ZP3: variants seen among roughly 807,000 people sequenced by gnomAD.
ZP3 encodes the protein zona pellucida sperm-binding protein 3.
In ZP3, 21 loss-of-function variants were observed where a neutral mutation model predicts 35.6. The observed-to-expected ratio is 0.59, with a 90% CI of 0.42 to 0.85. ZP3 has a LOEUF of 0.85. ZP3 is among the 40% of genes least tolerant of loss of function. ZP3 has a pLI of 0.00. For synonymous variants in ZP3, 207 were observed against 214.5 expected (o/e 0.96, Z 0.31); for missense variants, 437 against 536.5 (o/e 0.81, Z 1.83).
chr7:76,426,596 T>C (rs1805659230), intron 1 of ZP3, among the ~76,000 whole-genome samples: 2 of 152,076 alleles, frequency 1.3e-5, no homozygotes, highest in Admixed American at 6.6e-5. Context: ...TATTCCAGTT[T>C]AGAGGCTCAC....
intron 5 of ZP3, among the ~76,000 whole-genome samples, chr7:76,435,465 T>G (rs1584069516): frequency 6.6e-6 from 1 of 152,242 alleles, no homozygotes; most frequent in East Asian, 1.9e-4. Flanking sequence ...TCAAGTAGCT[T>G]TTAAACAAGC....
rs141447256 is a variant in ZP3, at chr7:76,433,239, C to T, written c.535+209C>T. 3.9e-3 allele frequency among the ~76,000 whole-genome samples: 569 copies of T among 145,194 alleles called. 4 individuals carry two copies. The highest frequency in any genetic ancestry group is 0.013 in the African/African-American group (533 of 40,284). On this transcript the variant is annotated intron_variant, in intron 3 of 7. Transcript: ENST00000394857. The stretch of plus-strand genomic sequence containing the variant: ...CACGATCTCAGCTCACTGCAGTCTC[C>T]ACCTCCTGGGGTTCAAACGATTCTC...
At chr7:76,437,724 CCT>C (rs1563704465) in intron 5 of ZP3, among the ~76,000 whole-genome samples, 4 of 149,862 alleles carry the variant, frequency 2.7e-5, no homozygotes, top group Non-Finnish European at 5.9e-5. Context: ...GTCTCAAACT[CCT>C]GACCTCAGGT....
chr7:76,418,273 T>A (rs1805421299), intron 1 of ZP3, among the ~76,000 whole-genome samples: 2 of 151,680 alleles, frequency 1.3e-5, no homozygotes, highest in South Asian at 4.2e-4. Context: ...TCTGAGTGAG[T>A]CCATAAAGTC....
At chr7:76,428,588 T>G (rs1805739453) in intron 1 of ZP3, 1 of 152,342 alleles carries the variant, frequency 6.6e-6, no homozygotes, top group Non-Finnish European at 1.5e-5. Flanking sequence ...TACTCACCTG[T>G]GCTCTTCCTG....
intron 1 of ZP3, chr7:76,397,801 C>T (rs1804690128): frequency 1.3e-6 from 2 of 1,599,938 alleles, no homozygotes. Flanking sequence ...GACACAGGTT[C>T]GCGCCCCCTA....
At chr7:76,438,081 CT>C (rs1806078715) in intron 5 of ZP3, among the ~76,000 whole-genome samples, 1 of 152,252 alleles carries the variant, frequency 6.6e-6, no homozygotes, top group Admixed American at 6.5e-5. Flanking sequence ...GCTTGTGGCT[CT>C]GAGGCTTCTG....
chr7:76,421,606 A>AT (rs200023159), upstream of ZP3, among the ~76,000 whole-genome samples: 2,967 of 143,092 alleles, frequency 0.021, 52 homozygotes, highest in African/African-American at 0.034. Context: ...TATATGTATA[A>AT]TTTTTTTTTT....
chr7:76,441,700 T>G (rs1387183896), intron 7 of ZP3, 142 bp from the exon 8 acceptor site: 2 of 1,290,370 alleles, frequency 1.5e-6, no homozygotes, highest in Non-Finnish European at 2.2e-6. Context: ...GAAAGCTGTG[T>G]TTTTTTTGTC....
chr7:76,412,361 A>G (rs1310994418), intron 1 of ZP3, among the ~76,000 whole-genome samples: 1 of 152,188 alleles, frequency 6.6e-6, no homozygotes, highest in African/African-American at 2.4e-5. Context: ...TGCACAGGTG[A>G]AAAACAGATT....
At chr7:76,436,773 A>AAG (rs1345156947) in intron 5 of ZP3, among the ~76,000 whole-genome samples, 3 of 152,244 alleles carry the variant, frequency 2.0e-5, no homozygotes, top group African/African-American at 7.2e-5. Flanking sequence ...GGAGGAAGTC[A>AAG]AGATTGACCT....
chr7:76,432,221 C>T (rs377482603), intron 2 of ZP3, among the ~76,000 whole-genome samples: 2 of 151,416 alleles, frequency 1.3e-5, no homozygotes, highest in Non-Finnish European at 2.9e-5. Flanking sequence ...TGGAGTCTTG[C>T]TCTGTTGCCC....
At position 76,438,538 on chromosome 7, in the gene ZP3, GAAAAAA is replaced by G. The variant is rs71085417; in HGVS notation, c.832-1698_832-1693del. ...TGGACTAGAGACAGACTCCGTCTCA[GAAAAAA>G]AAAAAAAAAAAAAGGGTAGCGGGGC... On this transcript the variant is annotated intron_variant, in intron 5 of 7. Coordinates refer to ENST00000394857, the MANE Select transcript of ZP3 (RefSeq NM_001110354.2). 9.0e-5 allele frequency among the ~76,000 whole-genome samples: 8 copies of G among 88,560 alleles called. No homozygotes were observed. The South Asian group carries it at 1.1e-3, about 12-fold the overall frequency. The allele number at this position is 88,560 out of a possible 152,430, so 58.1% of individuals were successfully genotyped here. A position where few individuals can be genotyped will look rare whatever the true frequency, so the allele number is the denominator to read the frequency against.
intron 5 of ZP3, among the ~76,000 whole-genome samples, chr7:76,439,292 TGTCAACTA>T (rs1415612470): frequency 1.3e-5 from 2 of 152,190 alleles, no homozygotes; most frequent in Non-Finnish European, 2.9e-5. Context: ...AAAAGTAGCT[TGTCAACTA>T]GTCAAGTGGC....
chr7:76,433,703 AC>A (rs991966012), intron 4 of ZP3, 56 bp downstream of exon 4: 2 of 1,531,434 alleles, frequency 1.3e-6, no homozygotes, highest in African/African-American at 2.8e-5. Flanking sequence ...CCCTAAAGCC[AC>A]CTGTTTGGCT....
intron 5 of ZP3, among the ~76,000 whole-genome samples, chr7:76,437,374 C>T (rs1176224535): frequency 2.6e-5 from 4 of 151,980 alleles, no homozygotes; most frequent in East Asian, 1.9e-4. Context: ...TGGGGTTTCA[C>T]TATGTTGGTC....
chr7:76,409,778 C>G (rs1388507535), intron 1 of ZP3: 1 of 151,286 alleles, frequency 6.6e-6, no homozygotes, highest in Non-Finnish European at 1.5e-5. Flanking sequence ...CCCCCCACAG[C>G]CCCCCCACCC....
At chr7:76,404,927 A>G (rs1804951161) in intron 1 of ZP3, among the ~76,000 whole-genome samples, 1 of 150,924 alleles carries the variant, frequency 6.6e-6, no homozygotes. Flanking sequence ...AACATTTGCC[A>G]GGTGTGGTGG....
chr7:76,428,334 G>A (rs1482719670), intron 1 of ZP3, among the ~76,000 whole-genome samples: 2 of 151,918 alleles, frequency 1.3e-5, no homozygotes, highest in African/African-American at 4.8e-5. Context: ...AAAACAAAAG[G>A]TGGTTAGGAA....
Sources: gnomAD v4.1 joint callset for allele counts (sites outside exome capture counted in the v4.1 genomes callset) on GRCh38, gnomAD v4.1.1 for gene constraint, MANE v1.5 for transcripts, NCBI Gene and HGNC (gene_info 2026-07-23, HGNC 2026-07-21) for gene names.